WNK3: variants seen among roughly 807,000 people sequenced by gnomAD.
WNK3 encodes serine/threonine-protein kinase WNK3.
Under a neutral mutation model 116.7 loss-of-function variants are expected in WNK3, and 18 were observed. The ratio of observed to expected loss-of-function variants is 0.15; its 90% CI spans 0.11 to 0.23. WNK3 has a LOEUF of 0.23. Among genes scored for constraint, WNK3 ranks in the 10% least tolerant of loss-of-function variants. The pLI is 1.00. For missense variants in WNK3, 993 were observed against 1,323.8 expected, an observed-to-expected ratio of 0.75 and a Z score of 3.88; for synonymous variants, 404 against 469.4, an observed-to-expected ratio of 0.86 and a Z score of 1.80.
intron 17 of WNK3, among the ~76,000 whole-genome samples, chrX:54,243,132 AC>A (rs2068039619): frequency 9.2e-6 from 1 of 108,371 alleles, no homozygotes; most frequent in African/African-American, 3.3e-5. Flanking sequence ...AAGAATTCTT[AC>A]GGCCGGGCAC....
intron 1 of WNK3, among the ~76,000 whole-genome samples, chrX:54,339,885 C>T (rs782659598): frequency 5.4e-5 from 6 of 111,813 alleles, no homozygotes; most frequent in Non-Finnish European, 7.5e-5. Context: ...CTCGGCTGGG[C>T]GCGGTGGCTC....
chrX:54,325,774 C>G (rs782192098), intron 2 of WNK3, among the ~76,000 whole-genome samples: 3 of 104,473 alleles, frequency 2.9e-5, no homozygotes, highest in East Asian at 6.2e-4. Context: ...TCCAACTCAT[C>G]ATAGAGCAAA....
chrX:54,250,021 C>T (rs1183182850), exon 16 of WNK3: 1 of 1,204,125 alleles, frequency 8.3e-7, no homozygotes, highest in Non-Finnish European at 1.1e-6. Context: ...CCAGGAACCG[C>T]AGACATGGAA....
chrX:54,231,181 A>G (rs921686806), intron 21 of WNK3, among the ~76,000 whole-genome samples: 2 of 112,306 alleles, frequency 1.8e-5, no homozygotes, highest in Non-Finnish European at 3.8e-5. Context: ...TATTAGTGAT[A>G]CTGCATCAGA....
chrX:54,315,065 G>T (rs2068936429), intron 2 of WNK3, among the ~76,000 whole-genome samples: 1 of 110,302 alleles, frequency 9.1e-6, no homozygotes, highest in Non-Finnish European at 1.9e-5. Flanking sequence ...GGAGGCTGAG[G>T]CAGGTGAATC....
At chrX:54,216,759 T>C (rs1175635961) in intron 22 of WNK3, among the ~76,000 whole-genome samples, 1 of 112,214 alleles carries the variant, frequency 8.9e-6, no homozygotes, top group Admixed American at 9.5e-5. Context: ...TTGGAAAAGA[T>C]ATCCAGGCAA....
rs1242871853 is a variant in WNK3 at position 54,277,344 on chromosome X, C to CT, written c.2037+15543dup. Among the ~76,000 whole-genome samples the CT allele has an allele frequency of 5.8e-3, 594 of 102,664 alleles. 3 individuals are homozygous for CT. Among genetic ancestry groups the CT allele is most frequent in the African/African-American group, 0.017 (487 of 28,566 alleles). 89.2% of individuals were successfully genotyped at this position (102,664 alleles called of 115,157 possible). A position where few individuals can be genotyped will look rare whatever the true frequency, so the allele number is the denominator to read the frequency against. On this transcript the variant is annotated intron_variant, in intron 10 of 23. Coordinates refer to ENST00000354646, the Ensembl canonical transcript of WNK3. ...GGAGATTATATGATTTTCTTTTTTT[C>CT]TTTTTTTTTTTTGAGACGGAGTCTT...
chrX:54,266,774 T>C (rs2068316328), intron 10 of WNK3, among the ~76,000 whole-genome samples: 1 of 110,797 alleles, frequency 9.0e-6, no homozygotes, highest in African/African-American at 3.3e-5. Flanking sequence ...GTGCTGAACG[T>C]GCAGGTTTGT....
chrX:54,248,785 T>A (rs782656518), exon 17 of WNK3: 1 of 1,211,997 alleles, frequency 8.3e-7, no homozygotes, highest in African/African-American at 1.7e-5. Context: ...TGCAGCCACA[T>A]TGGACAGAAG....
intron 12 of WNK3, among the ~76,000 whole-genome samples, chrX:54,255,360 A>C (rs1485023646): frequency 9.0e-6 from 1 of 111,406 alleles, no homozygotes; most frequent in Non-Finnish European, 1.9e-5. Flanking sequence ...TGAAGGATTA[A>C]ATGGTAAAAT....
intron 10 of WNK3, among the ~76,000 whole-genome samples, chrX:54,282,936 G>A (rs2068533974): frequency 9.0e-6 from 1 of 111,654 alleles, no homozygotes; most frequent in African/African-American, 3.3e-5. Context: ...GACACCAAAA[G>A]CACAAAGTAA....
chrX:54,274,746 C>T (rs1165973544), intron 10 of WNK3, among the ~76,000 whole-genome samples: 1 of 111,479 alleles, frequency 9.0e-6, no homozygotes, highest in Non-Finnish European at 1.9e-5. Context: ...TGGCTAATGC[C>T]TATAATCCCA....
In WNK3 at chrX:54,238,323, TTCAA is replaced by T. The variant is rs1369068923; in HGVS notation, c.4014+15_4014+18del. ...TTTATAATGCCCTTGTAGATAAGGA[TTCAA>T]TCAAAGACACAAACCTGGAACCGAC... On this transcript the variant is annotated intron_variant, in intron 19 of 23. Transcript: ENST00000354646. The T allele has an allele frequency of 8.3e-7, 1 of 1,202,005 alleles. No homozygotes were observed. The highest frequency in any genetic ancestry group is 1.1e-6 in the Non-Finnish European group (1 of 891,590).
At position 54,333,434 on chromosome X, in the gene WNK3, T is replaced by G. The variant is rs1322041081; in HGVS notation, c.240A>C (p.Arg80Ser). The change falls in exon 2 of 24, where the codon AGA becomes AGC. Residue 80 changes from arginine (R) to serine (S), a missense_variant. Physicochemically the swap from Arg to Ser is moderately radical, Grantham distance 110. Coordinates refer to ENST00000354646, the Ensembl canonical transcript of WNK3. ...TTGGAATATTCATTGCAGCCTTAAT[T>G]CTCTCATCTTTGGGGGATGATTCGG... The G allele has an allele frequency of 3.3e-6, 4 of 1,210,005 alleles. No individual in the cohort carries two copies. The African/African-American group carries it at 5.2e-5, about 16-fold the overall frequency.
At chrX:54,211,125 T>C (rs2067607466) in intron 22 of WNK3, among the ~76,000 whole-genome samples, 1 of 111,627 alleles carries the variant, frequency 9.0e-6, no homozygotes, top group African/African-American at 3.3e-5. Flanking sequence ...AGAAGTGAGA[T>C]AGCCATAGGG....
intron 2 of WNK3, among the ~76,000 whole-genome samples, chrX:54,325,745 T>C (rs1397003546): frequency 1.1e-5 from 1 of 88,655 alleles, no homozygotes; most frequent in African/African-American, 4.2e-5. Flanking sequence ...AAATGATAAA[T>C]GTACTGGTGT....
intron 2 of WNK3, among the ~76,000 whole-genome samples, chrX:54,317,826 G>T (rs1180989006): frequency 1.9e-5 from 2 of 107,739 alleles, no homozygotes; most frequent in Non-Finnish European, 3.8e-5. Context: ...TAGAGACAGG[G>T]TTTCACCATG....
chrX:54,311,095 T>C (rs782471242), intron 3 of WNK3, 24 bp downstream of exon 3: 2 of 1,059,104 alleles, frequency 1.9e-6, no homozygotes, highest in African/African-American at 3.8e-5. Flanking sequence ...TAAAACTACA[T>C]TGGCACTATC....
chrX:54,285,782 C>T (rs782531592), intron 10 of WNK3, among the ~76,000 whole-genome samples: 7 of 111,405 alleles, frequency 6.3e-5, no homozygotes, highest in Non-Finnish European at 1.1e-4. Flanking sequence ...AAGCATTTGT[C>T]GAAACTCATG....
Sources: gnomAD v4.1 joint callset for allele counts (sites outside exome capture counted in the v4.1 genomes callset) on GRCh38, gnomAD v4.1.1 for gene constraint, MANE v1.5 for transcripts, NCBI Gene and HGNC (gene_info 2026-07-23, HGNC 2026-07-21) for gene names.